The following CSMD3 variants were observed in gnomAD, a reference collection of about 807,000 sequenced individuals.
CSMD3 encodes the protein CUB and Sushi multiple domains 3, also known as CUB and sushi domain-containing protein 3.
A neutral mutation model predicts 435.2 loss-of-function variants in CSMD3; 177 were observed. That is an observed-to-expected ratio of 0.41 (90% CI 0.36 to 0.46). CSMD3 has a LOEUF of 0.46. Ranked by LOEUF, CSMD3 falls within the 20% of genes least tolerant of loss-of-function variation. The probability of loss-of-function intolerance (pLI) is 0.34; values close to 1 mark genes in which losing one functional copy is unlikely to be tolerated. For missense variants in CSMD3, 4,265 were observed against 4,504.6 expected (o/e 0.95, Z 1.52); for synonymous variants, 1,656 against 1,520.5 (o/e 1.09, Z -2.07).
chr8:113,004,635 G>A (rs187422844), intron 6 of CSMD3, among the ~76,000 whole-genome samples: 161 of 151,870 alleles, frequency 1.1e-3, no homozygotes, highest in African/African-American at 3.4e-3. Context: ...TTTTTTCCAA[G>A]GTAATTTTAT....
intron 32 of CSMD3, among the ~76,000 whole-genome samples, chr8:112,438,227 C>G (rs1415093695): frequency 6.6e-6 from 1 of 152,074 alleles, no homozygotes; most frequent in Non-Finnish European, 1.5e-5. Context: ...AATGTAAGAG[C>G]CTGAGACTAG....
chr8:113,403,140 A>G (rs912133746), intron 1 of CSMD3, among the ~76,000 whole-genome samples: 1 of 151,330 alleles, frequency 6.6e-6, no homozygotes, highest in Non-Finnish European at 1.5e-5. Context: ...TGTCCGTTTT[A>G]GCATTACTTT....
intron 2 of CSMD3, chr8:113,311,973 T>C (rs541391771): frequency 6.6e-6 from 1 of 152,254 alleles, no homozygotes; most frequent in Admixed American, 6.5e-5. Context: ...AGCTTACCTT[T>C]CGGTTTATAT....
intron 3 of CSMD3, among the ~76,000 whole-genome samples, chr8:113,277,457 G>A (rs181725012): frequency 4.9e-4 from 74 of 151,902 alleles, no homozygotes; most frequent in African/African-American, 1.8e-3. Flanking sequence ...ATTAGCCAGA[G>A]GATTTTTTTT....
intron 2 of CSMD3, among the ~76,000 whole-genome samples, chr8:113,303,476 A>G (rs1588475982): frequency 6.6e-6 from 1 of 152,086 alleles, no homozygotes. Flanking sequence ...CCAAAAGAAC[A>G]AAGCTGGAGG....
At chr8:112,734,997 C>T (rs1049536514) in intron 13 of CSMD3, among the ~76,000 whole-genome samples, 2 of 151,978 alleles carry the variant, frequency 1.3e-5, no homozygotes, top group Non-Finnish European at 2.9e-5. Context: ...ATTGGACTAT[C>T]TCTATTTGTC....
intron 10 of CSMD3, among the ~76,000 whole-genome samples, chr8:112,906,319 C>T (rs2082261131): frequency 6.6e-6 from 1 of 151,328 alleles, no homozygotes; most frequent in South Asian, 2.1e-4. Context: ...CTACTGTTTA[C>T]ATCATTAGAA....
intron 23 of CSMD3, among the ~76,000 whole-genome samples, chr8:112,580,855 A>G (rs376506641): frequency 5.9e-5 from 9 of 152,206 alleles, no homozygotes; most frequent in East Asian, 5.8e-4. Flanking sequence ...TGAAGTCTTG[A>G]TGCCAAAATA....
At chr8:112,537,683 T>C (rs1004394535) in intron 27 of CSMD3, among the ~76,000 whole-genome samples, 5 of 150,574 alleles carry the variant, frequency 3.3e-5, no homozygotes, top group East Asian at 2.0e-4. Context: ...CATGAAGAAA[T>C]AGAAAACTTG....
intron 56 of CSMD3, among the ~76,000 whole-genome samples, chr8:112,290,869 G>A (rs1819695647): frequency 6.6e-6 from 1 of 151,890 alleles, no homozygotes; most frequent in Admixed American, 6.6e-5. Flanking sequence ...ACTCCTCTAT[G>A]CCTTCACAGA....
At position 112,318,946 on chromosome 8, in the gene CSMD3, A is replaced by G; in HGVS notation, c.7251T>C (p.Asp2417=). ...CTGGAAGACACTGATACCTAATAATATCACCTATTAAACAAAAGAGGGGAG... is the reference window on the plus strand; with the variant it reads ...CTGGAAGACACTGATACCTAATAATGTCACCTATTAAACAAAAGAGGGGAG... The part of the protein sequence containing the change: ...LTEDDEFEIG[D]IIRYQCLPGF... The change falls in exon 47 of 71, where the codon GAT becomes GAC. Residue 2417 remains aspartate, a synonymous_variant. Transcript: ENST00000297405. 6.3e-7 allele frequency: 1 copy of G among 1,585,030 alleles called. No individual in the cohort carries two copies. The highest frequency in any genetic ancestry group is 1.3e-5 in the African/African-American group (1 of 74,428).
intron 61 of CSMD3, among the ~76,000 whole-genome samples, chr8:112,258,765 C>A (rs1195244289): frequency 6.6e-6 from 1 of 152,126 alleles, no homozygotes; most frequent in Admixed American, 6.5e-5. Flanking sequence ...GATGGCCTGG[C>A]ACAGTGGCTC....
At chr8:112,645,314 TC>T (rs955862848) in intron 19 of CSMD3, 89 bp from the exon 20 acceptor site, 2 of 799,834 alleles carry the variant, frequency 2.5e-6, no homozygotes, top group East Asian at 2.4e-5. Context: ...AATTGAGCAG[TC>T]GCATTATCTT....
rs2129944899 is a variant in CSMD3, at chr8:112,234,461, C to T, written c.10644G>A (p.Gln3548=). The change falls in exon 68 of 71, where the codon CAG becomes CAA. Residue 3548 remains glutamine (Q), a synonymous_variant. Transcript: ENST00000297405. ...ATATGCGTAACATTAGGCGAGCTTC[C>T]TGGCTTTTATATACCCCTGTAAAAT... ...ELLLSGVYKS[Q]EARLMLRIYL... is the part of the protein sequence containing the mutation. 1 of 1,610,372 alleles carries T rather than the reference C, an allele frequency of 6.2e-7. No individual in the cohort carries two copies. Among genetic ancestry groups the T allele is most frequent in the Non-Finnish European group, 8.5e-7 (1 of 1,176,956 alleles).
At chr8:112,262,856 T>C (rs1286708762) in intron 61 of CSMD3, among the ~76,000 whole-genome samples, 7 of 152,076 alleles carry the variant, frequency 4.6e-5, no homozygotes, top group Admixed American at 2.0e-4. Flanking sequence ...CCACTTTGAA[T>C]GAGGTGAGAA....
rs541740210 is a variant in CSMD3, at chr8:112,884,431, C to T, written c.1634-25165G>A. ...ATTATCAGATTCATGTAGGGTTTTT[C>T]GGCCTCCACACTACTGACATTTTGG... On this transcript the variant is annotated intron_variant, in intron 10 of 70. Coordinates refer to ENST00000297405, the MANE Select transcript of CSMD3 (RefSeq NM_198123.2). 3.3e-5 allele frequency among the ~76,000 whole-genome samples: 5 copies of T among 151,480 alleles called. No individual in the cohort carries two copies. The South Asian group carries it at 6.3e-4, about 19-fold the overall frequency.
intron 32 of CSMD3, among the ~76,000 whole-genome samples, chr8:112,422,079 T>C (rs1211030458): frequency 6.6e-6 from 1 of 152,144 alleles, no homozygotes; most frequent in Admixed American, 6.6e-5. Context: ...CTATAGAGCA[T>C]GGCATCATGG....
intron 27 of CSMD3, among the ~76,000 whole-genome samples, chr8:112,517,491 T>C (rs558197859): frequency 6.6e-5 from 10 of 152,198 alleles, no homozygotes; most frequent in African/African-American, 2.2e-4. Flanking sequence ...GAAAGCTTCA[T>C]ACTGGGAAAA....
intron 38 of CSMD3, among the ~76,000 whole-genome samples, chr8:112,355,921 A>G (rs2131084033): frequency 6.6e-6 from 1 of 152,320 alleles, no homozygotes; most frequent in South Asian, 2.1e-4. Flanking sequence ...ATGACCAACA[A>G]ACATGAACAA....
Sources: allele counts gnomAD v4.1 joint callset (sites outside exome capture counted in the v4.1 genomes callset), GRCh38; gene constraint gnomAD v4.1.1; transcripts MANE v1.5; gene names NCBI Gene and HGNC (gene_info 2026-07-23, HGNC 2026-07-21).